ANKIB1: variants seen among roughly 807,000 people sequenced by gnomAD.
The protein encoded by ANKIB1 is ankyrin repeat and IBR domain-containing protein 1.
Under a neutral mutation model 122.1 loss-of-function variants are expected in ANKIB1, and 43 were observed. The observed-to-expected ratio is 0.35, with a 90% confidence interval of 0.28 to 0.45. The LOEUF is 0.45. Ranked by LOEUF, ANKIB1 falls within the 20% of genes least tolerant of loss-of-function variation. The probability of loss-of-function intolerance (pLI) is 1.00; values close to 1 mark genes in which losing one functional copy is unlikely to be tolerated. For synonymous variants in ANKIB1, 390 were observed against 442.0 expected (o/e 0.88, Z 1.48); for missense variants, 992 against 1,329.5 (o/e 0.75, Z 3.95).
chr7:92,384,976 C>A (rs943120428), intron 11 of ANKIB1, among the ~76,000 whole-genome samples: 44 of 152,064 alleles, frequency 2.9e-4, no homozygotes, highest in African/African-American at 1.0e-3. Flanking sequence ...AAAATTTTTG[C>A]AATTACCCAT....
At chr7:92,395,755 T>C (rs1220665492) in intron 17 of ANKIB1, 1 of 152,108 alleles carries the variant, frequency 6.6e-6, no homozygotes, top group Non-Finnish European at 1.5e-5. Flanking sequence ...GCCAGGCTGG[T>C]CTCAAATTCC....
chr7:92,328,938 A>G (rs1015131260), intron 5 of ANKIB1, among the ~76,000 whole-genome samples: 2 of 148,514 alleles, frequency 1.3e-5, no homozygotes, highest in Non-Finnish European at 3.0e-5. Flanking sequence ...TATATAAAAC[A>G]TATAATATAT....
At chr7:92,326,631 C>T (rs1269296226) in intron 4 of ANKIB1, among the ~76,000 whole-genome samples, 2 of 152,048 alleles carry the variant, frequency 1.3e-5, no homozygotes, top group Admixed American at 1.3e-4. Flanking sequence ...ACTAATTTAA[C>T]CATTAAAGAG....
At chr7:92,330,618 G>A (rs1340522266) in intron 5 of ANKIB1, among the ~76,000 whole-genome samples, 2 of 151,976 alleles carry the variant, frequency 1.3e-5, no homozygotes, top group Non-Finnish European at 2.9e-5. Context: ...CGAGGTGGGC[G>A]GATCATGAGG....
In ANKIB1 at chr7:92,317,706, C is replaced by T. The variant is rs995961903; in HGVS notation, c.487-1624C>T. On this transcript the variant is annotated intron_variant, in intron 3 of 19. Transcript: ENST00000265742. ...TTCCAGATCTGGCATTGATATAAGCCCGTTGTTTTGTAAGCATTCTTAGGA... is the reference window on the plus strand; with the variant it reads ...TTCCAGATCTGGCATTGATATAAGCTCGTTGTTTTGTAAGCATTCTTAGGA... Among the ~76,000 whole-genome samples, 7 of 152,046 alleles carry T rather than the reference C, an allele frequency of 4.6e-5. No homozygotes were observed. In the South Asian group the frequency reaches 1.5e-3, roughly 32 times the overall value.
chr7:92,295,311 G>A lies in ANKIB1; in HGVS notation c.188+145G>A, dbSNP rs184503217. The A allele has an allele frequency of 1.1e-3, 576 of 501,358 alleles. 3 individuals carry two copies. The highest frequency in any genetic ancestry group is 1.9e-3 in the Admixed American group (45 of 23,448). 31.1% of individuals were successfully genotyped at this position (501,358 alleles called of 1,614,324 possible). A position where few individuals can be genotyped will look rare whatever the true frequency, so the allele number is the denominator to read the frequency against. On this transcript the variant is annotated intron_variant, in intron 2 of 19. Coordinates refer to ENST00000265742, the MANE Select transcript of ANKIB1 (RefSeq NM_019004.2). Reference sequence around the variant, plus strand: ...TATACAAACATGTACATGTAATATGGTTTTATAGTGAATTAAACTTTCTAA... The same window carrying A: ...TATACAAACATGTACATGTAATATGATTTTATAGTGAATTAAACTTTCTAA...
chr7:92,364,381 G>A (rs918530097), intron 10 of ANKIB1, among the ~76,000 whole-genome samples: 8 of 141,924 alleles, frequency 5.6e-5, no homozygotes, highest in Non-Finnish European at 9.0e-5. Flanking sequence ...CATTGTACTA[G>A]CCATTGCTCT....
chr7:92,393,780 G>A (rs375356903), intron 17 of ANKIB1, among the ~76,000 whole-genome samples: 15 of 151,928 alleles, frequency 9.9e-5, no homozygotes, highest in Non-Finnish European at 1.6e-4. Context: ...AGGCTTTTAC[G>A]TAAACCTTAT....
intron 3 of ANKIB1, among the ~76,000 whole-genome samples, chr7:92,310,860 A>G (rs1802678694): frequency 6.6e-6 from 1 of 152,158 alleles, no homozygotes; most frequent in Admixed American, 6.5e-5. Flanking sequence ...GAATCCAGGG[A>G]TGTGGAATCT....
chr7:92,311,484 C>G (rs999398617), intron 3 of ANKIB1, among the ~76,000 whole-genome samples: 1 of 151,844 alleles, frequency 6.6e-6, no homozygotes, highest in Non-Finnish European at 1.5e-5. Flanking sequence ...ATCTTTTTTC[C>G]CATTGTTAAG....
At chr7:92,344,845 T>G (rs1268257883) in intron 6 of ANKIB1, 133 bp from the exon 7 acceptor site, 2 of 620,942 alleles carry the variant, frequency 3.2e-6, no homozygotes, top group Non-Finnish European at 5.6e-6. Flanking sequence ...TCCTTAAAAC[T>G]TTGAAAGAGG....
chr7:92,350,650 G>T (rs1803642118), intron 7 of ANKIB1, among the ~76,000 whole-genome samples: 1 of 152,066 alleles, frequency 6.6e-6, no homozygotes, highest in Admixed American at 6.6e-5. Context: ...TTGAGACCAG[G>T]GGTTCGAGAT....
At chr7:92,333,778 GA>G (rs1342478587) in intron 5 of ANKIB1, among the ~76,000 whole-genome samples, 3 of 152,140 alleles carry the variant, frequency 2.0e-5, no homozygotes, top group East Asian at 3.9e-4. Context: ...AAATTTTGCT[GA>G]AAAATATGGT....
At chr7:92,264,633 A>C (rs908212471) in intron 1 of ANKIB1, among the ~76,000 whole-genome samples, 1 of 151,874 alleles carries the variant, frequency 6.6e-6, no homozygotes, top group African/African-American at 2.4e-5. Flanking sequence ...GCTGGTCTCG[A>C]ACTCCTGGCC....
At chr7:92,277,034 TC>T (rs1383255624) in intron 1 of ANKIB1, among the ~76,000 whole-genome samples, 2 of 152,108 alleles carry the variant, frequency 1.3e-5, no homozygotes, top group African/African-American at 4.8e-5. Context: ...TGTAGCACCT[TC>T]CCCCTTGCTC....
intron 1 of ANKIB1, 85 bp downstream of exon 1, chr7:92,246,604 C>T (rs918011413): frequency 2.1e-6 from 1 of 475,504 alleles, no homozygotes; most frequent in Middle Eastern, 3.3e-4. Flanking sequence ...CTACTTCACA[C>T]CCTCCCGGAT....
At chr7:92,367,350 G>A (rs1458154708) in intron 10 of ANKIB1, among the ~76,000 whole-genome samples, 1 of 152,174 alleles carries the variant, frequency 6.6e-6, no homozygotes, top group African/African-American at 2.4e-5. Context: ...ATGAAATTTA[G>A]GGCGAGGATT....
rs1225283957 is a variant in ANKIB1 at position 92,400,825 on chromosome 7, C to T, written c.*1876C>T. 2 of 152,082 alleles carry T rather than the reference C, an allele frequency of 1.3e-5. No individual in the cohort carries two copies. The highest frequency in any genetic ancestry group is 3.8e-4 in the East Asian group (2 of 5,196). The allele number at this position is 152,082 out of a possible 1,614,324, so 9.4% of individuals were successfully genotyped here. A position where few individuals can be genotyped will look rare whatever the true frequency, so the allele number is the denominator to read the frequency against. ...TATTAACTTTATCTACAGTGTATTA[C>T]TGTATATTAAACTGAAATAGTCCAT... On this transcript the variant is annotated 3_prime_UTR_variant, in exon 20 of 20. Coordinates refer to ENST00000265742, the MANE Select transcript of ANKIB1 (RefSeq NM_019004.2).
At chr7:92,354,174 G>A (rs960273697) in intron 9 of ANKIB1, among the ~76,000 whole-genome samples, 21 of 152,220 alleles carry the variant, frequency 1.4e-4, no homozygotes, top group Non-Finnish European at 2.5e-4. Context: ...AGATAAGAAA[G>A]CTAATGGAAA....
Sources: gnomAD v4.1 joint callset for allele counts (sites outside exome capture counted in the v4.1 genomes callset) on GRCh38, gnomAD v4.1.1 for gene constraint, MANE v1.5 for transcripts, NCBI Gene and HGNC (gene_info 2026-07-23, HGNC 2026-07-21) for gene names.